The following PRKCZ variants were observed in gnomAD, a reference collection of about 807,000 sequenced individuals.
PRKCZ encodes protein kinase C zeta, also known as protein kinase C zeta type.
A neutral mutation model predicts 79.5 loss-of-function variants in PRKCZ; 33 were observed. That is an observed-to-expected ratio of 0.41 (90% CI 0.31 to 0.55). The LOEUF is 0.55. PRKCZ is among the 20% of genes least tolerant of loss of function. The pLI is 0.19. For synonymous variants in PRKCZ, 342 were observed against 320.9 expected (o/e 1.07, Z -0.70); for missense variants, 578 against 813.5 (o/e 0.71, Z 3.52).
chr1:2,131,473 G>GT (rs1674941837), intron 4 of PRKCZ, among the ~76,000 whole-genome samples: 1 of 152,152 alleles, frequency 6.6e-6, no homozygotes, highest in Non-Finnish European at 1.5e-5. Context: ...AACCCTTAAA[G>GT]TTTAAAAAGT....
intron 9 of PRKCZ, among the ~76,000 whole-genome samples, chr1:2,154,341 G>A (rs972709118): frequency 2.0e-5 from 3 of 152,184 alleles, no homozygotes; most frequent in Non-Finnish European, 4.4e-5. Flanking sequence ...GTGGAAAGAT[G>A]AGACTCGAAG....
intron 16 of PRKCZ, among the ~76,000 whole-genome samples, chr1:2,179,201 G>A (rs925832248): frequency 3.3e-5 from 5 of 152,194 alleles, no homozygotes; most frequent in African/African-American, 7.2e-5. Context: ...ACCCTCCGCC[G>A]GTCCAGGCAC....
chr1:2,089,792 C>T (rs74223889), intron 4 of PRKCZ, among the ~76,000 whole-genome samples: 1 of 152,172 alleles, frequency 6.6e-6, no homozygotes, highest in East Asian at 1.9e-4. Flanking sequence ...ACTCAATTCT[C>T]TCTCAGCTTG....
At chr1:2,079,793 C>T (rs1442759848) in intron 4 of PRKCZ, among the ~76,000 whole-genome samples, 1 of 152,140 alleles carries the variant, frequency 6.6e-6, no homozygotes, top group Admixed American at 6.5e-5. Context: ...TTGCGGCTTC[C>T]TGGGCCCCTG....
intron 5 of PRKCZ, among the ~76,000 whole-genome samples, chr1:2,139,895 G>A (rs1676976487): frequency 6.6e-6 from 1 of 152,200 alleles, no homozygotes; most frequent in African/African-American, 2.4e-5. Context: ...ATAAACCATG[G>A]TAGGGCCACG....
At chr1:2,147,132 T>C (rs1488218042) in intron 7 of PRKCZ, among the ~76,000 whole-genome samples, 1 of 152,166 alleles carries the variant, frequency 6.6e-6, no homozygotes, top group African/African-American at 2.4e-5. Flanking sequence ...CATCTATCCA[T>C]CTATTGTCCA....
intron 9 of PRKCZ, among the ~76,000 whole-genome samples, chr1:2,153,137 C>T (rs1407817318): frequency 2.6e-5 from 4 of 152,208 alleles, no homozygotes; most frequent in African/African-American, 9.7e-5. Context: ...TCCTCAGTGA[C>T]GCGTGTGATT....
rs537148948 is a variant in PRKCZ, at chr1:2,113,120, G to A, written c.335-22142G>A. Among the ~76,000 whole-genome samples the A allele has an allele frequency of 2.2e-4, 33 of 152,388 alleles. No homozygotes were observed. In the East Asian group the frequency reaches 3.9e-3, roughly 18 times the overall value. Reference sequence around the variant, plus strand: ...TGCCTGCCTCTCCTGCTCTGGAGCCGGGCACTGCCTGAGGGCCTGCAGCAC... The same window carrying A: ...TGCCTGCCTCTCCTGCTCTGGAGCCAGGCACTGCCTGAGGGCCTGCAGCAC... On this transcript the variant is annotated intron_variant, in intron 4 of 17. Coordinates refer to ENST00000378567, the MANE Select transcript of PRKCZ (RefSeq NM_002744.6).
intron 4 of PRKCZ, chr1:2,074,540 G>A: frequency 5.2e-6 from 3 of 581,276 alleles, no homozygotes; most frequent in Admixed American, 3.0e-5. Context: ...GACCCCAGGT[G>A]CCAGGGCTGG....
chr1:2,074,325 G>T, intron 4 of PRKCZ: 1 of 1,547,792 alleles, frequency 6.5e-7, no homozygotes. Flanking sequence ...TGGAGGGCTG[G>T]GGGCCGGGGG....
Position 2,146,022 on chromosome 1 carries a change from G to C in PRKCZ, c.553-5G>C, listed in dbSNP as rs745739286. 2 of 1,610,748 alleles carry C rather than the reference G, an allele frequency of 1.2e-6. No individual in the cohort carries two copies. Among genetic ancestry groups the C allele is most frequent in the South Asian group, 2.2e-5 (2 of 91,022 alleles). On this transcript the variant is annotated splice_region_variant and splice_polypyrimidine_tract_variant and intron_variant, in intron 6 of 17. Coordinates refer to ENST00000378567, the MANE Select transcript of PRKCZ (RefSeq NM_002744.6). ...CATGCTGCCATCTCTGTGTCTCTCC[G>C]GCAGGATTCTGTCATGCCTTCCCAA...
chr1:2,065,813 A>C (rs1017323421), intron 4 of PRKCZ, among the ~76,000 whole-genome samples: 4 of 151,296 alleles, frequency 2.6e-5, no homozygotes, highest in African/African-American at 9.7e-5. Context: ...GGTTTTTATT[A>C]TGTCGAGATA....
chr1:2,103,056 T>C (rs1402109480), intron 4 of PRKCZ, among the ~76,000 whole-genome samples: 1 of 151,898 alleles, frequency 6.6e-6, no homozygotes, highest in Non-Finnish European at 1.5e-5. Context: ...TTTAGTAGAG[T>C]TGGGGGTCTT....
intron 4 of PRKCZ, among the ~76,000 whole-genome samples, chr1:2,117,088 T>A (rs1166368057): frequency 6.6e-6 from 1 of 152,082 alleles, no homozygotes; most frequent in Non-Finnish European, 1.5e-5. Context: ...TAGCTGGGAC[T>A]ACAGGTGTGC....
rs1668130799 is a variant in PRKCZ, at chr1:2,104,998, C to G, written c.335-30264C>G. 3.4e-6 allele frequency: 3 copies of G among 882,522 alleles called. No individual in the cohort carries two copies. In the East Asian group the frequency reaches 3.6e-4, roughly 106 times the overall value. The allele number at this position is 882,522 out of a possible 1,614,324, so 54.7% of individuals were successfully genotyped here. A position where few individuals can be genotyped will look rare whatever the true frequency, so the allele number is the denominator to read the frequency against. ...CCGACAGCCACCCTGGCTTGTTGAC[C>G]TTGATCTGTGACAGCTCCCCTGTGA... On this transcript the variant is annotated intron_variant, in intron 4 of 17. Coordinates refer to ENST00000378567, the MANE Select transcript of PRKCZ (RefSeq NM_002744.6).
intron 4 of PRKCZ, among the ~76,000 whole-genome samples, chr1:2,116,913 G>A (rs76956485): frequency 6.6e-6 from 1 of 152,084 alleles, no homozygotes; most frequent in African/African-American, 2.4e-5. Context: ...TTTCCAATCC[G>A]TGAACATATC....
chr1:2,076,944 A>G (rs1407595786), intron 4 of PRKCZ, among the ~76,000 whole-genome samples: 1 of 152,118 alleles, frequency 6.6e-6, no homozygotes, highest in African/African-American at 2.4e-5. Context: ...GGCACCCACC[A>G]TGCTCGGGAC....
At chr1:2,055,153 A>G (rs1049223399) in intron 1 of PRKCZ, among the ~76,000 whole-genome samples, 2 of 152,038 alleles carry the variant, frequency 1.3e-5, no homozygotes, top group African/African-American at 2.4e-5. Context: ...CGTGTTAGCC[A>G]GGATGGTCTC....
intron 4 of PRKCZ, among the ~76,000 whole-genome samples, chr1:2,104,377 ACG>A (rs1491154349): frequency 6.6e-5 from 10 of 152,138 alleles, no homozygotes; most frequent in African/African-American, 2.4e-4. Context: ...GGTTGGATAG[ACG>A]CCAGTGCTTG....
Sources: allele counts gnomAD v4.1 joint callset (sites outside exome capture counted in the v4.1 genomes callset), GRCh38; gene constraint gnomAD v4.1.1; transcripts MANE v1.5; gene names NCBI Gene and HGNC (gene_info 2026-07-23, HGNC 2026-07-21).